Variants in CSMD1 observed in about 807,000 individuals in gnomAD.
The protein encoded by CSMD1 is CUB and sushi domain-containing protein 1.
A neutral mutation model predicts 417.5 loss-of-function variants in CSMD1; 213 were observed. That is an observed-to-expected ratio of 0.51 (90% CI 0.46 to 0.57). The LOEUF is 0.57. Among genes scored for constraint, CSMD1 ranks in the 20% least tolerant of loss-of-function variants. The pLI, the probability that CSMD1 is intolerant of heterozygous loss-of-function variation, is 0.00. For missense variants in CSMD1, 6,923 were observed against 4,529.7 expected (o/e 1.53, Z -15.17); for synonymous variants, 2,862 against 1,736.8 (o/e 1.65, Z -16.11).
intron 3 of CSMD1, among the ~76,000 whole-genome samples, chr8:4,325,743 A>T (rs1426105003): frequency 6.6e-6 from 1 of 152,098 alleles, no homozygotes; most frequent in African/African-American, 2.4e-5. Context: ...AGAAGGCGTG[A>T]ATGTTATTCC....
chr8:3,030,152 T>A (rs578187999), intron 50 of CSMD1, among the ~76,000 whole-genome samples: 1 of 152,124 alleles, frequency 6.6e-6, no homozygotes, highest in South Asian at 2.1e-4. Flanking sequence ...GCAATTGTAA[T>A]AGTGACAGCA....
rs868431523 is a variant in CSMD1 at position 4,241,708 on chromosome 8, C to T, written c.415+178245G>A. Among the ~76,000 whole-genome samples the T allele has an allele frequency of 4.8e-3, 654 of 135,810 alleles. 2 individuals are homozygous for T. Among genetic ancestry groups the T allele is most frequent in the Middle Eastern group, 0.011 (3 of 264 alleles). The allele number at this position is 135,810 out of a possible 152,430, so 89.1% of individuals were successfully genotyped here. A position where few individuals can be genotyped will look rare whatever the true frequency, so the allele number is the denominator to read the frequency against. On this transcript the variant is annotated intron_variant, in intron 3 of 69. Coordinates refer to ENST00000635120, the MANE Select transcript of CSMD1 (RefSeq NM_033225.6). ...TGGGATTTGGAGTGATTTTTTTTTT[C>T]TTTTTTTTTTTTTGAGACGGAGTCT...
intron 1 of CSMD1, among the ~76,000 whole-genome samples, chr8:4,640,672 A>C (rs1429847687): frequency 6.6e-6 from 1 of 152,158 alleles, no homozygotes; most frequent in Non-Finnish European, 1.5e-5. Flanking sequence ...GAATATTCTT[A>C]ATGGACAACT....
rs1409778221 is a variant in CSMD1 at position 4,069,287 on chromosome 8, C to T, written c.416-37188G>A. Among the ~76,000 whole-genome samples, 4 of 152,232 alleles carry T rather than the reference C, an allele frequency of 2.6e-5. No homozygotes were observed. The East Asian group carries it at 7.7e-4, about 29-fold the overall frequency. The stretch of plus-strand genomic sequence containing the variant: ...GTGAATTCTTTGTCTAGTAGGAGGT[C>T]ATTATTTTTTGACCATTTTTAAAAA... On this transcript the variant is annotated intron_variant, in intron 3 of 69. Coordinates refer to ENST00000635120, the MANE Select transcript of CSMD1 (RefSeq NM_033225.6).
intron 3 of CSMD1, among the ~76,000 whole-genome samples, chr8:4,408,125 T>C (rs779493737): frequency 6.6e-6 from 1 of 152,156 alleles, no homozygotes; most frequent in Non-Finnish European, 1.5e-5. Context: ...AAAAACAAAA[T>C]GGAAACTTCG....
chr8:3,287,622 A>T (rs1393375210), intron 25 of CSMD1, among the ~76,000 whole-genome samples: 1 of 152,038 alleles, frequency 6.6e-6, no homozygotes, highest in Non-Finnish European at 1.5e-5. Context: ...TTGGCATATG[A>T]GAATGCTTGT....
chr8:3,393,950 G>A (rs1202759889), intron 17 of CSMD1, among the ~76,000 whole-genome samples: 2 of 135,964 alleles, frequency 1.5e-5, no homozygotes, highest in Non-Finnish European at 3.1e-5. Flanking sequence ...TAACAAACCT[G>A]CACGTTGTGC....
chr8:3,415,730 G>A (rs773531404), intron 12 of CSMD1, among the ~76,000 whole-genome samples: 12 of 152,144 alleles, frequency 7.9e-5, no homozygotes, highest in African/African-American at 2.2e-4. Flanking sequence ...ATATTCTGGA[G>A]AATCTGATGA....
intron 3 of CSMD1, among the ~76,000 whole-genome samples, chr8:4,356,337 C>G (rs192938331): frequency 6.6e-6 from 1 of 151,880 alleles, no homozygotes; most frequent in African/African-American, 2.4e-5. Flanking sequence ...AATACACACA[C>G]ACACACACAC....
chr8:3,250,645 C>T (rs185443329), intron 26 of CSMD1, among the ~76,000 whole-genome samples: 1 of 152,224 alleles, frequency 6.6e-6, no homozygotes, highest in East Asian at 1.9e-4. Context: ...CTGTCTTCCA[C>T]AATCATTGAA....
chr8:3,417,722 A>AT (rs201375809), intron 12 of CSMD1, among the ~76,000 whole-genome samples: 11 of 152,084 alleles, frequency 7.2e-5, no homozygotes, highest in South Asian at 6.2e-4. Context: ...TTAGATTCTC[A>AT]TTTTTTTTCC....
intron 1 of CSMD1, among the ~76,000 whole-genome samples, chr8:4,641,222 C>A (rs1488945005): frequency 7.9e-5 from 12 of 151,884 alleles, no homozygotes; most frequent in Admixed American, 7.9e-4. Flanking sequence ...AAACAAACTT[C>A]CAAGAGAAAA....
chr8:3,315,324 A>G (rs920122095), intron 23 of CSMD1, among the ~76,000 whole-genome samples: 54 of 152,290 alleles, frequency 3.5e-4, no homozygotes, highest in African/African-American at 1.2e-3. Context: ...TGAGAAGGAA[A>G]GTTCATTAAT....
chr8:3,994,447 G>GGA (rs776782494), intron 5 of CSMD1, among the ~76,000 whole-genome samples: 5,776 of 119,058 alleles, frequency 0.049, 394 homozygotes, highest in African/African-American at 0.14. Flanking sequence ...AATCTCTTCA[G>GGA]AAAAAAAAAA....
chr8:2,969,821 C>T (rs1032798608), intron 57 of CSMD1, among the ~76,000 whole-genome samples: 3 of 152,156 alleles, frequency 2.0e-5, no homozygotes, highest in Non-Finnish European at 2.9e-5. Context: ...TGTGTGTGTT[C>T]AGTCACTGAT....
intron 21 of CSMD1, among the ~76,000 whole-genome samples, chr8:3,350,280 G>C (rs933054158): frequency 4.8e-5 from 7 of 146,380 alleles, no homozygotes; most frequent in African/African-American, 1.2e-4. Flanking sequence ...ATAATAACTT[G>C]TGTATGTGTG....
intron 3 of CSMD1, among the ~76,000 whole-genome samples, chr8:4,099,268 T>C (rs1801181127): frequency 6.6e-6 from 1 of 151,948 alleles, no homozygotes. Context: ...TTTGTTCTGT[T>C]ACTTTCATCG....
At chr8:3,789,199 G>A (rs561919014) in intron 5 of CSMD1, among the ~76,000 whole-genome samples, 28 of 152,172 alleles carry the variant, frequency 1.8e-4, no homozygotes, top group South Asian at 1.0e-3. Flanking sequence ...ACATGAAAGC[G>A]CTGTGTATGA....
At chr8:3,213,767 A>ATG (rs373043547) in intron 30 of CSMD1, among the ~76,000 whole-genome samples, 1 of 150,714 alleles carries the variant, frequency 6.6e-6, no homozygotes, top group Non-Finnish European at 1.5e-5. Flanking sequence ...ATGTATATAT[A>ATG]TGTGTGTGTG....
Sources: allele counts gnomAD v4.1 joint callset (sites outside exome capture counted in the v4.1 genomes callset), GRCh38; gene constraint gnomAD v4.1.1; transcripts MANE v1.5; gene names NCBI Gene and HGNC (gene_info 2026-07-23, HGNC 2026-07-21).